ZNF552: variants seen among roughly 807,000 people sequenced by gnomAD.
ZNF552 encodes the protein zinc finger protein 552.
In ZNF552, 2 loss-of-function variants were observed where a neutral mutation model predicts 7.2. The observed-to-expected ratio is 0.28, with a 90% CI of 0.11 to 0.88. The LOEUF (loss-of-function observed/expected upper bound fraction) is 0.88. Among genes scored for constraint, ZNF552 ranks in the 40% least tolerant of loss-of-function variants. The probability of loss-of-function intolerance (pLI) is 0.60; values close to 1 mark genes in which losing one functional copy is unlikely to be tolerated. For missense variants in ZNF552, 421 were observed against 493.4 expected, an observed-to-expected ratio of 0.85 and a Z score of 1.39; for synonymous variants, 173 against 176.5, an observed-to-expected ratio of 0.98 and a Z score of 0.16.
rs769496277 is a variant in ZNF552 at position 57,809,283 on chromosome 19, TG to T, written c.161-181del. The T allele has an allele frequency of 3.7e-3, 5,297 of 1,443,006 alleles. 17 individuals are homozygous for T. Among genetic ancestry groups the T allele is most frequent in the Non-Finnish European group, 4.0e-3 (4,227 of 1,058,096 alleles). 89.4% of individuals were successfully genotyped at this position (1,443,006 alleles called of 1,614,324 possible). A position where few individuals can be genotyped will look rare whatever the true frequency, so the allele number is the denominator to read the frequency against. The stretch of plus-strand genomic sequence containing the variant: ...TTACTGGACTATAATGGTCACAGAA[TG>T]TAGGAGGCCTCATAACATAAAGGAC... On this transcript the variant is annotated intron_variant, in intron 2 of 2. Coordinates refer to ENST00000391701, the MANE Select transcript of ZNF552 (RefSeq NM_024762.3).
intron 2 of ZNF552, among the ~76,000 whole-genome samples, chr19:57,810,954 C>T (rs1987843390): frequency 6.6e-6 from 1 of 152,212 alleles, no homozygotes; most frequent in African/African-American, 2.4e-5. Flanking sequence ...ATCAAAAGCA[C>T]AGCACTTTTT....
At chr19:57,813,214 T>G in intron 2 of ZNF552, 80 bp downstream of exon 2, 1 of 1,591,260 alleles carries the variant, frequency 6.3e-7, no homozygotes. Flanking sequence ...GCTCCTGACA[T>G]GAGAAAGTCT....
At chr19:57,810,118 AAAGAG>A (rs898386399) in intron 2 of ZNF552, among the ~76,000 whole-genome samples, 22 of 152,010 alleles carry the variant, frequency 1.4e-4, no homozygotes, top group South Asian at 6.2e-4. Context: ...TCAAAAAAGA[AAAGAG>A]AAGAGGAGAG....
intron 2 of ZNF552, among the ~76,000 whole-genome samples, chr19:57,811,045 T>C (rs960370151): frequency 1.3e-5 from 2 of 152,192 alleles, no homozygotes; most frequent in African/African-American, 2.4e-5. Context: ...CCTATTGACC[T>C]GCCACATGGT....
chr19:57,814,689 G>C (rs1422182881), intron 1 of ZNF552, 22 bp downstream of exon 1: 1 of 1,614,098 alleles, frequency 6.2e-7, no homozygotes, highest in South Asian at 1.1e-5. Flanking sequence ...TGACCGGAGA[G>C]CACGGAAGGC....
At position 57,807,280 on chromosome 19, in the gene ZNF552, C is replaced by T. The variant is rs976243626; in HGVS notation, c.*760G>A. ...CATGGGATTATAAGAAAATTCAAGC[C>T]AGGAGCAGTGGCTCACGCCTGCAAT... On this transcript the variant is annotated 3_prime_UTR_variant, in exon 3 of 3. Coordinates refer to ENST00000391701, the MANE Select transcript of ZNF552 (RefSeq NM_024762.3). 6.6e-6 allele frequency: 1 copy of T among 152,096 alleles called. No homozygotes were observed. Among genetic ancestry groups the T allele is most frequent in the Non-Finnish European group, 1.5e-5 (1 of 68,010 alleles). The allele number at this position is 152,096 out of a possible 1,614,324, so 9.4% of individuals were successfully genotyped here. A position where few individuals can be genotyped will look rare whatever the true frequency, so the allele number is the denominator to read the frequency against.
intron 1 of ZNF552, 24 bp downstream of exon 1, chr19:57,814,687 G>T: frequency 6.2e-7 from 1 of 1,614,002 alleles, no homozygotes; most frequent in East Asian, 2.2e-5. Context: ...GGTGACCGGA[G>T]AGCACGGAAG....
intron 2 of ZNF552, among the ~76,000 whole-genome samples, chr19:57,811,919 C>T (rs941405638): frequency 1.3e-5 from 2 of 148,670 alleles, no homozygotes; most frequent in South Asian, 4.2e-4. Context: ...GTCCCAGCTA[C>T]TTGGGAGGCT....
chr19:57,808,591 C>G lies in ZNF552; in HGVS notation c.673G>C (p.Asp225His), dbSNP rs748248289. Residue 225 changes from aspartate to histidine, a missense_variant, in exon 3 of 3, where the codon GAT becomes CAT. By Grantham distance (81) the Asp-to-His change is moderately conservative (BLOSUM62 -1). This residue lies in a region of ZNF552 where 299 missense variants were observed against 293.7 expected (regional missense o/e 1.02). Transcript: ENST00000391701. ...AGTCTCTCGTGCTGACTGAGTATAT[C>G]TTTGGTGCTAAAATGTTTCATGCAT... Reference protein sequence around the residue: ...GGCMKHFSTKDILSQHERLLP... With the variant: ...GGCMKHFSTKHILSQHERLLP... The G allele has an allele frequency of 8.1e-6, 13 of 1,614,202 alleles. No individual in the cohort carries two copies. The South Asian group carries it at 9.9e-5, about 12-fold the overall frequency.
intron 2 of ZNF552, 24 bp downstream of exon 2, chr19:57,813,270 C>G: frequency 6.2e-7 from 1 of 1,613,758 alleles, no homozygotes; most frequent in Non-Finnish European, 8.5e-7. Context: ...GCTCAGGTCA[C>G]AGGGGTGAGT....
rs1188453416 is a variant in ZNF552, at chr19:57,814,746, G to A, written c.-3C>T. ...AACCTTAGCGCGGCCGCCGCCATGG[G>A]ACCACGTGGGGTAAGCTGGGTTGAG... is the stretch of plus-strand genomic sequence containing the variant. On this transcript the variant is annotated 5_prime_UTR_variant, in exon 1 of 3. Transcript: ENST00000391701. 10 of 1,613,782 alleles carry A rather than the reference G, an allele frequency of 6.2e-6. No individual in the cohort carries two copies. Among genetic ancestry groups the A allele is most frequent in the South Asian group, 2.2e-5 (2 of 91,076 alleles).
At position 57,814,826 on chromosome 19, in the gene ZNF552, G is replaced by T; in HGVS notation, c.-83C>A. The T allele has an allele frequency of 1.4e-6, 2 of 1,386,426 alleles. No individual in the cohort carries two copies. The highest frequency in any genetic ancestry group is 1.2e-5 in the South Asian group (1 of 81,442). The allele number at this position is 1,386,426 out of a possible 1,614,324, so 85.9% of individuals were successfully genotyped here. On this transcript the variant is annotated 5_prime_UTR_variant, in exon 1 of 3. Transcript: ENST00000391701. ...GTCACGTCTGTGCAAAGAGAAGAACGACTCTCGACCTCCTGGATCCAGTCA... is the reference window on the plus strand; with the variant it reads ...GTCACGTCTGTGCAAAGAGAAGAACTACTCTCGACCTCCTGGATCCAGTCA...
intron 2 of ZNF552, among the ~76,000 whole-genome samples, chr19:57,811,119 G>C (rs1489130106): frequency 1.3e-5 from 2 of 151,846 alleles, no homozygotes; most frequent in Non-Finnish European, 2.9e-5. Flanking sequence ...GGAAGGCAGG[G>C]TTCCTCCGTA....
chr19:57,814,892 GC>G lies in ZNF552; in HGVS notation c.-150del, dbSNP rs1223075494. The G allele has an allele frequency of 1.2e-6, 1 of 817,606 alleles. No individual in the cohort carries two copies. The highest frequency in any genetic ancestry group is 1.9e-6 in the Non-Finnish European group (1 of 532,746). The allele number at this position is 817,606 out of a possible 1,614,324, so 50.6% of individuals were successfully genotyped here. On this transcript the variant is annotated 5_prime_UTR_variant, in exon 1 of 3. Transcript: ENST00000391701. ...CACAGCGCTCCAAGGACTCCCTAAC[GC>G]CAATGGAAATGGTCGCTACTAAAGG...
chr19:57,811,890 G>T (rs946224325), intron 2 of ZNF552, among the ~76,000 whole-genome samples: 1 of 151,410 alleles, frequency 6.6e-6, no homozygotes, highest in African/African-American at 2.4e-5. Flanking sequence ...ATAGCCAGGC[G>T]TGGTGGTGCA....
chr19:57,811,247 A>C (rs1208595109), intron 2 of ZNF552, among the ~76,000 whole-genome samples: 13 of 151,932 alleles, frequency 8.6e-5, no homozygotes, highest in Admixed American at 6.6e-4. Context: ...ATCGCGGCTC[A>C]CTGCAAGCTC....
In ZNF552 at chr19:57,808,096, T is replaced by C; in HGVS notation, c.1168A>G (p.Arg390Gly). 6.2e-7 allele frequency: 1 copy of C among 1,614,116 alleles called. No individual in the cohort carries two copies. The highest frequency in any genetic ancestry group is 8.5e-7 in the Non-Finnish European group (1 of 1,179,992). The change falls in exon 3 of 3, where the codon AGG (arginine) becomes GGG (glycine). Residue 390 changes from arginine (R) to glycine (G), a missense_variant. Physicochemically the swap from Arg to Gly is moderately radical, Grantham distance 125. Around this residue, in one of 2 missense-constraint regions of ZNF552, gnomAD observed 299 missense variants for 293.7 expected, o/e 1.02. Coordinates refer to ENST00000391701, the MANE Select transcript of ZNF552 (RefSeq NM_024762.3). ...TGATGACGAAGTGAAGAGATTTGCC[T>C]AAATTTTTTTTCACATTCACTGCAC... The part of the protein sequence containing the change: ...YGCSECEKKF[R>G]QISSLRHHQR...
At chr19:57,809,308 A>G in intron 2 of ZNF552, 1 of 1,231,154 alleles carries the variant, frequency 8.1e-7, no homozygotes, top group Non-Finnish European at 1.2e-6. Flanking sequence ...AACATAAAGG[A>G]CACAACCATG....
chr19:57,814,717 G>C lies in ZNF552; in HGVS notation c.27C>G (p.Pro9=), dbSNP rs927958474. ...CGGAAGGCGCCACAATTACCTGAAC[G>C]GGGAACCTTAGCGCGGCCGCCGCCA... MAAAALRF[P]VQGTVTFEDV... The change falls in exon 1 of 3, where the codon CCC becomes CCG. Residue 9 remains proline (P), a synonymous_variant. Transcript: ENST00000391701. 1.2e-6 allele frequency: 2 copies of C among 1,613,932 alleles called. No individual in the cohort carries two copies. Among genetic ancestry groups the C allele is most frequent in the Non-Finnish European group, 1.7e-6 (2 of 1,180,028 alleles).
Sources: allele counts gnomAD v4.1 joint callset (sites outside exome capture counted in the v4.1 genomes callset), GRCh38; gene constraint gnomAD v4.1.1; regional missense constraint gnomAD v4.1.1; transcripts MANE v1.5; gene names NCBI Gene and HGNC (gene_info 2026-07-23, HGNC 2026-07-21).